Variants in CERKL observed in about 807,000 individuals in gnomAD.
CERKL encodes CERK like autophagy regulator.
Under a neutral mutation model 63.4 loss-of-function variants are expected in CERKL, and 61 were observed. That is an observed-to-expected ratio of 0.96 (90% CI 0.78 to 1.19). The LOEUF (loss-of-function observed/expected upper bound fraction) is 1.19. CERKL is among the 50% of genes most tolerant of loss of function. CERKL has a pLI of 0.00. For missense variants in CERKL, 675 were observed against 655.5 expected (o/e 1.03, Z -0.33); for synonymous variants, 250 against 230.5 (o/e 1.08, Z -0.77).
At chr2:181,619,605 C>T (rs1686361087) in intron 1 of CERKL, among the ~76,000 whole-genome samples, 1 of 152,080 alleles carries the variant, frequency 6.6e-6, no homozygotes, top group South Asian at 2.1e-4. Context: ...TCAGAAAATC[C>T]CTTAATCACA....
chr2:181,587,033 C>G (rs569541165), intron 2 of CERKL, among the ~76,000 whole-genome samples: 1 of 152,264 alleles, frequency 6.6e-6, no homozygotes, highest in South Asian at 2.1e-4. Flanking sequence ...TTAAACTATG[C>G]CCAGTTAATG....
intron 1 of CERKL, among the ~76,000 whole-genome samples, chr2:181,642,830 G>A (rs1031763365): frequency 2.0e-5 from 3 of 152,148 alleles, no homozygotes; most frequent in South Asian, 2.1e-4. Flanking sequence ...ACAGAGAAAC[G>A]AATGAAGAAT....
chr2:181,648,623 A>G (rs1258133672), intron 1 of CERKL, among the ~76,000 whole-genome samples: 2 of 152,218 alleles, frequency 1.3e-5, no homozygotes, highest in Non-Finnish European at 2.9e-5. Context: ...ATAGAGGTAA[A>G]TGTATAAATC....
rs373118444 is a variant in CERKL at position 181,565,444 on chromosome 2, C to T, written c.677+614G>A. ...TTTATATCACTTGCCTTGGTTCTAA[C>T]GTTTGCATGCCAGTGAACAATCTCT... On this transcript the variant is annotated intron_variant, in intron 4 of 12. Transcript: ENST00000410087. The T allele has an allele frequency of 2.0e-5, 32 of 1,611,646 alleles. No homozygotes were observed. The highest frequency in any genetic ancestry group is 4.0e-5 in the African/African-American group (3 of 74,854).
At chr2:181,548,993 C>T (rs1687864857) in intron 6 of CERKL, 136 bp from the exon 7 acceptor site, 2 of 739,874 alleles carry the variant, frequency 2.7e-6, no homozygotes, top group East Asian at 5.4e-5. Context: ...CTCACTTTCT[C>T]TTCAGTTCCC....
chr2:181,638,839 A>G (rs1687296212), intron 1 of CERKL, among the ~76,000 whole-genome samples: 1 of 152,194 alleles, frequency 6.6e-6, no homozygotes, highest in Admixed American at 6.5e-5. Context: ...ATCTTGTGAC[A>G]TCTGATCATG....
intron 3 of CERKL, among the ~76,000 whole-genome samples, chr2:181,571,684 T>C (rs1688908785): frequency 6.6e-6 from 1 of 152,112 alleles, no homozygotes; most frequent in Admixed American, 6.6e-5. Context: ...TATACATTGT[T>C]GAGAGCCTTC....
chr2:181,593,914 T>C (rs1008537879), intron 2 of CERKL, among the ~76,000 whole-genome samples: 21 of 147,612 alleles, frequency 1.4e-4, no homozygotes, highest in African/African-American at 5.0e-4. Flanking sequence ...AAGGCCTGGA[T>C]AGGAATCTTG....
intron 2 of CERKL, chr2:181,602,993 T>C (rs1685520168): frequency 1.3e-5 from 2 of 159,184 alleles, no homozygotes; most frequent in African/African-American, 4.8e-5. Context: ...ATATTTGTAC[T>C]TATGAATTTT....
chr2:181,634,853 C>A (rs1260284763), intron 1 of CERKL, among the ~76,000 whole-genome samples: 1 of 152,140 alleles, frequency 6.6e-6, no homozygotes, highest in South Asian at 2.1e-4. Flanking sequence ...CAACACATAA[C>A]TTAGTAGTGT....
intron 1 of CERKL, among the ~76,000 whole-genome samples, chr2:181,654,235 C>T (rs1688061157): frequency 1.3e-5 from 2 of 151,720 alleles, no homozygotes; most frequent in South Asian, 4.2e-4. Flanking sequence ...TTTTCGAAAG[C>T]CTCACTTCTA....
At chr2:181,655,022 C>T (rs1433381498) in intron 1 of CERKL, among the ~76,000 whole-genome samples, 1 of 152,134 alleles carries the variant, frequency 6.6e-6, no homozygotes, top group Non-Finnish European at 1.5e-5. Context: ...GGCTTCTGTG[C>T]CCCCAATTTT....
intron 1 of CERKL, among the ~76,000 whole-genome samples, chr2:181,639,485 T>C (rs566013900): frequency 6.6e-6 from 1 of 152,352 alleles, no homozygotes; most frequent in Non-Finnish European, 1.5e-5. Flanking sequence ...TCCCATTTTC[T>C]TCATTTGTTC....
chr2:181,633,911 G>T (rs74942992), intron 1 of CERKL, among the ~76,000 whole-genome samples: 5,767 of 152,070 alleles, frequency 0.038, 329 homozygotes, highest in African/African-American at 0.13. Flanking sequence ...ACTGACCAAG[G>T]ATACACCACA....
intron 1 of CERKL, among the ~76,000 whole-genome samples, chr2:181,638,883 C>A (rs1193965367): frequency 6.6e-6 from 1 of 152,170 alleles, no homozygotes; most frequent in Non-Finnish European, 1.5e-5. Flanking sequence ...CCTGCCTCAT[C>A]CCCTTTACGG....
At chr2:181,632,692 T>C (rs1687018720) in intron 1 of CERKL, among the ~76,000 whole-genome samples, 1 of 152,190 alleles carries the variant, frequency 6.6e-6, no homozygotes, top group South Asian at 2.1e-4. Flanking sequence ...AAACTTTAAA[T>C]GTTACTCCAG....
At chr2:181,582,647 C>T (rs1198440171) in intron 2 of CERKL, among the ~76,000 whole-genome samples, 13 of 151,388 alleles carry the variant, frequency 8.6e-5, no homozygotes, top group East Asian at 5.8e-4. Flanking sequence ...GTGATTCTCC[C>T]GCCTCAGCCT....
At chr2:181,641,700 G>C (rs534657367) in intron 1 of CERKL, among the ~76,000 whole-genome samples, 1 of 152,272 alleles carries the variant, frequency 6.6e-6, no homozygotes, top group East Asian at 1.9e-4. Context: ...ATGTGTCAGA[G>C]CTGTGTTGTA....
chr2:181,555,393 C>T (rs1688159451), intron 5 of CERKL, among the ~76,000 whole-genome samples: 3 of 152,116 alleles, frequency 2.0e-5, no homozygotes, highest in Admixed American at 2.0e-4. Flanking sequence ...CATCATTTTT[C>T]TCTTTGAGTC....
Sources: allele counts gnomAD v4.1 joint callset (sites outside exome capture counted in the v4.1 genomes callset), GRCh38; gene constraint gnomAD v4.1.1; transcripts MANE v1.5; gene names NCBI Gene and HGNC (gene_info 2026-07-23, HGNC 2026-07-21).